STAG1: variants seen among roughly 807,000 people sequenced by gnomAD.
STAG1 encodes the protein STAG1 cohesin complex component.
In STAG1, 26 loss-of-function variants were observed where a neutral mutation model predicts 170.9. The ratio of observed to expected loss-of-function variants is 0.15; its 90% CI spans 0.11 to 0.21. The LOEUF is 0.21. Ranked by LOEUF, STAG1 falls within the 10% of genes least tolerant of loss-of-function variation. STAG1 has a pLI of 1.00. For synonymous variants in STAG1, 514 were observed against 497.7 expected, an observed-to-expected ratio of 1.03 and a Z score of -0.44; for missense variants, 964 against 1,509.5, an observed-to-expected ratio of 0.64 and a Z score of 5.99.
chr3:136,655,550 G>A (rs1472402033), intron 1 of STAG1, among the ~76,000 whole-genome samples: 1 of 152,198 alleles, frequency 6.6e-6, no homozygotes, highest in South Asian at 2.1e-4. Context: ...ATCAGCTGAG[G>A]TCAGGAGTTC....
chr3:136,381,038 A>C (rs1327602161), intron 22 of STAG1, among the ~76,000 whole-genome samples: 2 of 127,722 alleles, frequency 1.6e-5, no homozygotes, highest in East Asian at 4.2e-4. Flanking sequence ...AAAAAAAAAG[A>C]AAAAAAAAAA....
At chr3:136,427,017 GC>G (rs1267720310) in intron 16 of STAG1, among the ~76,000 whole-genome samples, 1 of 149,274 alleles carries the variant, frequency 6.7e-6, no homozygotes, top group Non-Finnish European at 1.5e-5. Context: ...CCGAGATCGC[GC>G]CACCGCACTC....
At chr3:136,637,472 C>T (rs1335611040) in intron 1 of STAG1, among the ~76,000 whole-genome samples, 2 of 152,172 alleles carry the variant, frequency 1.3e-5, no homozygotes, top group African/African-American at 4.8e-5. Context: ...CTGGCAACAG[C>T]AGGTTAGATC....
At chr3:136,733,679 G>C (rs918187745) in intron 1 of STAG1, among the ~76,000 whole-genome samples, 2 of 152,202 alleles carry the variant, frequency 1.3e-5, no homozygotes, top group Non-Finnish European at 2.9e-5. Context: ...GAACACATGA[G>C]ATTTTTAACT....
At chr3:136,629,370 T>G (rs577214635) in intron 2 of STAG1, among the ~76,000 whole-genome samples, 1 of 151,900 alleles carries the variant, frequency 6.6e-6, no homozygotes, top group African/African-American at 2.4e-5. Flanking sequence ...CTTAAATAGA[T>G]AGTGGCTTGG....
intron 1 of STAG1, among the ~76,000 whole-genome samples, chr3:136,746,001 A>G (rs1934918441): frequency 6.6e-6 from 1 of 152,192 alleles, no homozygotes; most frequent in African/African-American, 2.4e-5. Flanking sequence ...GGGGTATGTT[A>G]TATAAAGAAA....
chr3:136,701,145 G>C (rs999520756), intron 1 of STAG1, among the ~76,000 whole-genome samples: 4 of 151,924 alleles, frequency 2.6e-5, no homozygotes, highest in African/African-American at 4.8e-5. Flanking sequence ...GCCTCCCAAA[G>C]TGCTTGGCCT....
In STAG1 at chr3:136,487,029, A is replaced by C. The variant is rs1199032097; in HGVS notation, c.903-9617T>G. ...AAAAAAAAAAAAAAAAAAAAAAAAAAAGCAGATACAAGCACAGAACGTGCA... is the reference window on the plus strand; with the variant it reads ...AAAAAAAAAAAAAAAAAAAAAAAAACAGCAGATACAAGCACAGAACGTGCA... On this transcript the variant is annotated intron_variant, in intron 9 of 33. Transcript: ENST00000383202. 2.6e-5 allele frequency among the ~76,000 whole-genome samples: 3 copies of C among 116,232 alleles called. No individual in the cohort carries two copies. In the East Asian group the frequency reaches 6.8e-4, roughly 26 times the overall value. The allele number at this position is 116,232 out of a possible 152,430, so 76.3% of individuals were successfully genotyped here.
chr3:136,456,914 C>T (rs2089128934), intron 13 of STAG1, among the ~76,000 whole-genome samples: 2 of 152,132 alleles, frequency 1.3e-5, no homozygotes, highest in African/African-American at 2.4e-5. Flanking sequence ...TAACAATATC[C>T]TTCAAACATG....
intron 6 of STAG1, among the ~76,000 whole-genome samples, chr3:136,537,898 A>G (rs562809752): frequency 1.3e-5 from 2 of 152,304 alleles, no homozygotes; most frequent in South Asian, 2.1e-4. Flanking sequence ...TCATAAGGAA[A>G]TAAGAAATGT....
intron 9 of STAG1, among the ~76,000 whole-genome samples, chr3:136,481,763 T>C (rs1451542620): frequency 1.0e-5 from 1 of 100,060 alleles, no homozygotes; most frequent in East Asian, 3.9e-4. Context: ...TCAGAGCCTG[T>C]TATTGGTCTA....
chr3:136,658,522 A>G (rs180804768), intron 1 of STAG1, among the ~76,000 whole-genome samples: 95 of 150,096 alleles, frequency 6.3e-4, no homozygotes, highest in African/African-American at 2.4e-3. Flanking sequence ...CAGTTCATCA[A>G]TTTCAACACT....
At position 136,667,001 on chromosome 3, in the gene STAG1, C is replaced by G. The variant is rs557444426; in HGVS notation, c.-83-36020G>C. On this transcript the variant is annotated intron_variant, in intron 1 of 33. Transcript: ENST00000383202. Reference sequence around the variant, plus strand: ...TTATATTCCACCTATATAGTTTCAACCAAACCACTCACTTCTGGACTAAGT... The same window carrying G: ...TTATATTCCACCTATATAGTTTCAAGCAAACCACTCACTTCTGGACTAAGT... Among the ~76,000 whole-genome samples the G allele has an allele frequency of 2.0e-5, 3 of 152,154 alleles. No homozygotes were observed. In the South Asian group the frequency reaches 6.2e-4, roughly 32 times the overall value.
At chr3:136,631,078 C>T in intron 1 of STAG1, 97 bp from the exon 2 acceptor site, 1 of 575,220 alleles carries the variant, frequency 1.7e-6, no homozygotes, top group Non-Finnish European at 3.0e-6. Context: ...GATCACACTA[C>T]TTGGCATTTA....
At chr3:136,359,393 G>A in intron 26 of STAG1, 97 bp from the exon 27 acceptor site, 1 of 841,408 alleles carries the variant, frequency 1.2e-6, no homozygotes, top group Non-Finnish European at 1.7e-6. Context: ...AAGGTATAAG[G>A]TGAAATGTTT....
At chr3:136,576,493 CA>C (rs1476679864) in intron 4 of STAG1, among the ~76,000 whole-genome samples, 1 of 152,040 alleles carries the variant, frequency 6.6e-6, no homozygotes, top group East Asian at 1.9e-4. Context: ...AAAATGATGA[CA>C]TTTGCTATAA....
intron 14 of STAG1, among the ~76,000 whole-genome samples, chr3:136,449,918 T>C (rs888245050): frequency 6.6e-6 from 1 of 150,966 alleles, no homozygotes; most frequent in Non-Finnish European, 1.5e-5. Flanking sequence ...TTTTTTTTTT[T>C]AGAGACAGGG....
intron 23 of STAG1, among the ~76,000 whole-genome samples, chr3:136,372,774 A>G (rs572202226): frequency 1.3e-5 from 2 of 152,284 alleles, no homozygotes; most frequent in South Asian, 2.1e-4. Context: ...GCATTTTTGC[A>G]TCAATGTTCA....
At chr3:136,540,139 A>G (rs951011299) in intron 6 of STAG1, among the ~76,000 whole-genome samples, 1 of 152,148 alleles carries the variant, frequency 6.6e-6, no homozygotes, top group Non-Finnish European at 1.5e-5. Flanking sequence ...ACTTCTTAAA[A>G]TAAGTTATAT....
Sources: gnomAD v4.1 joint callset for allele counts (sites outside exome capture counted in the v4.1 genomes callset) on GRCh38, gnomAD v4.1.1 for gene constraint, MANE v1.5 for transcripts, NCBI Gene and HGNC (gene_info 2026-07-23, HGNC 2026-07-21) for gene names.